Variants in ACYP2 observed in about 807,000 individuals in gnomAD.
ACYP2 encodes the protein acylphosphatase 2, also known as acylphosphatase-2.
A neutral mutation model predicts 11.2 loss-of-function variants in ACYP2; 12 were observed. The observed-to-expected ratio is 1.08, with a 90% CI of 0.69 to 1.74. The LOEUF (loss-of-function observed/expected upper bound fraction) is 1.74, where lower values mean the gene tolerates loss of function less well. Among genes scored for constraint, ACYP2 ranks in the 40% most tolerant of loss-of-function variants. The pLI, the probability that ACYP2 is intolerant of heterozygous loss-of-function variation, is 0.00. For synonymous variants in ACYP2, 43 were observed against 32.2 expected (o/e 1.33, Z -1.13); for missense variants, 134 against 101.9 (o/e 1.31, Z -1.35).
rs201846120 is a variant in ACYP2 at position 54,297,115 on chromosome 2, GT to G, written c.405-7562del. ...CCTTGGGTGGGTGAACACTTTTCCT[GT>G]TTTTTTTTTTCATTCTTTTGCACAC... On this transcript the variant is annotated intron_variant, in intron 6 of 6. Transcript: ENST00000607452. Among the ~76,000 whole-genome samples the G allele has an allele frequency of 3.1e-3, 457 of 145,632 alleles. 17 individuals carry two copies. In the East Asian group the frequency reaches 0.077, roughly 25 times the overall value.
chr2:54,108,615 G>A (rs1352137678), intron 4 of ACYP2, among the ~76,000 whole-genome samples: 1 of 151,910 alleles, frequency 6.6e-6, no homozygotes, highest in African/African-American at 2.4e-5. Flanking sequence ...GTCTGAGCTG[G>A]TGGCTGGCCC....
intron 6 of ACYP2, among the ~76,000 whole-genome samples, chr2:54,199,130 C>T (rs1418057704): frequency 6.6e-6 from 1 of 152,204 alleles, no homozygotes; most frequent in Non-Finnish European, 1.5e-5. Context: ...AATTCTGGTT[C>T]AAAAGGCAAG....
chr2:54,109,565 A>G (rs1420539651), intron 4 of ACYP2, among the ~76,000 whole-genome samples: 2 of 152,174 alleles, frequency 1.3e-5, no homozygotes, highest in African/African-American at 4.8e-5. Context: ...TTGAGATAAA[A>G]CATAAATTTA....
intron 4 of ACYP2, among the ~76,000 whole-genome samples, chr2:54,099,861 ACCT>A (rs1678796989): frequency 6.6e-6 from 1 of 152,036 alleles, no homozygotes; most frequent in South Asian, 2.1e-4. Flanking sequence ...TGCTTGAGAA[ACCT>A]ACATACAGTT....
At chr2:53,992,159 C>G (rs1672332508) in intron 2 of ACYP2, among the ~76,000 whole-genome samples, 1 of 147,276 alleles carries the variant, frequency 6.8e-6, no homozygotes, top group Non-Finnish European at 1.5e-5. Context: ...TTCTTTCCTT[C>G]CTTCCTACTT....
At chr2:54,256,816 G>GTTTGTTTTGT (rs577024551) in intron 6 of ACYP2, among the ~76,000 whole-genome samples, 34 of 151,240 alleles carry the variant, frequency 2.2e-4, no homozygotes, top group Middle Eastern at 3.4e-3. Flanking sequence ...TTTTTTGTTT[G>GTTTGTTTTGT]TTTGTTTTGT....
At chr2:54,264,124 C>T (rs962185142) in intron 6 of ACYP2, among the ~76,000 whole-genome samples, 2 of 152,210 alleles carry the variant, frequency 1.3e-5, no homozygotes, top group South Asian at 2.1e-4. Context: ...GAGTTTGTTC[C>T]TTCAGATGTT....
At chr2:54,156,919 C>T (rs1300223310) in intron 6 of ACYP2, among the ~76,000 whole-genome samples, 3 of 152,118 alleles carry the variant, frequency 2.0e-5, no homozygotes, top group East Asian at 1.9e-4. Context: ...CCACCCGCCT[C>T]GGCCTCCCAA....
At chr2:54,033,989 T>G (rs1674734408) in intron 2 of ACYP2, among the ~76,000 whole-genome samples, 1 of 152,234 alleles carries the variant, frequency 6.6e-6, no homozygotes, top group Non-Finnish European at 1.5e-5. Context: ...GACATTTTGA[T>G]CAATGATAGA....
intron 4 of ACYP2, among the ~76,000 whole-genome samples, chr2:54,067,029 G>T (rs1676786289): frequency 6.6e-6 from 1 of 152,180 alleles, no homozygotes; most frequent in Admixed American, 6.5e-5. Context: ...ACATGTCAGA[G>T]CCTCTGTCTC....
Position 54,083,883 on chromosome 2 carries a change from A to G in ACYP2, c.277+26523A>G, listed in dbSNP as rs182383991. On this transcript the variant is annotated intron_variant, in intron 4 of 6. Coordinates refer to ENST00000607452, the MANE Select transcript of ACYP2 (RefSeq NM_001320586.2). Reference sequence around the variant, plus strand: ...CAGTTTGGAGTAGTCTGATGCTTGTACAGTTTTGAGCGCTCTCTTTAGAAA... The same window carrying G: ...CAGTTTGGAGTAGTCTGATGCTTGTGCAGTTTTGAGCGCTCTCTTTAGAAA... Among the ~76,000 whole-genome samples the G allele has an allele frequency of 2.5e-3, 384 of 152,326 alleles. 3 individuals carry two copies. The Middle Eastern group carries it at 0.027, about 11-fold the overall frequency.
At position 54,266,553 on chromosome 2, in the gene ACYP2, AAGAT is replaced by A. The variant is rs146123390; in HGVS notation, c.405-38117_405-38114del. Among the ~76,000 whole-genome samples, 48 of 134,938 alleles carry A rather than the reference AAGAT, an allele frequency of 3.6e-4. 1 individual carries two copies. The highest frequency in any genetic ancestry group is 3.5e-3 in the Middle Eastern group (1 of 282). The allele number at this position is 134,938 out of a possible 152,430, so 88.5% of individuals were successfully genotyped here. A position where few individuals can be genotyped will look rare whatever the true frequency, so the allele number is the denominator to read the frequency against. The stretch of plus-strand genomic sequence containing the variant: ...ATATAGATATAGATATAGCTAGATA[AAGAT>A]AGATAGATAGATAGATATAGATATC... On this transcript the variant is annotated intron_variant, in intron 6 of 6. Coordinates refer to ENST00000607452, the MANE Select transcript of ACYP2 (RefSeq NM_001320586.2).
chr2:54,085,553 T>G (rs753669078), intron 4 of ACYP2, among the ~76,000 whole-genome samples: 1 of 152,212 alleles, frequency 6.6e-6, no homozygotes, highest in Non-Finnish European at 1.5e-5. Context: ...TTTGGTGATG[T>G]TTTTGTGACC....
chr2:54,264,271 G>A (rs1687917089), intron 6 of ACYP2, among the ~76,000 whole-genome samples: 1 of 152,170 alleles, frequency 6.6e-6, no homozygotes, highest in Admixed American at 6.5e-5. Context: ...GCAGCAAGAT[G>A]TGTTGTGAAG....
At chr2:53,973,692 C>A in intron 1 of ACYP2, 1 of 263,972 alleles carries the variant, frequency 3.8e-6, no homozygotes, top group East Asian at 6.3e-5. Flanking sequence ...TCCCAACACC[C>A]TTTGCTGACT....
intron 4 of ACYP2, among the ~76,000 whole-genome samples, chr2:54,062,918 C>G (rs1364307553): frequency 6.6e-6 from 1 of 152,232 alleles, no homozygotes. Context: ...CTTCTCTGTT[C>G]TAGTTATTAA....
chr2:54,149,686 A>T (rs1205330259), intron 6 of ACYP2, among the ~76,000 whole-genome samples: 1 of 152,242 alleles, frequency 6.6e-6, no homozygotes, highest in Non-Finnish European at 1.5e-5. Flanking sequence ...GCCAAATTCT[A>T]AAATTAAAAT....
intron 4 of ACYP2, among the ~76,000 whole-genome samples, chr2:54,058,484 T>C (rs1676280903): frequency 6.6e-6 from 1 of 152,172 alleles, no homozygotes; most frequent in African/African-American, 2.4e-5. Context: ...CCCTCTCCTG[T>C]CATTCTAATA....
chr2:54,124,305 C>G (rs1479129465), intron 4 of ACYP2, among the ~76,000 whole-genome samples: 1 of 152,086 alleles, frequency 6.6e-6, no homozygotes, highest in African/African-American at 2.4e-5. Flanking sequence ...AGTGATTATC[C>G]TGCCTCAGCC....
Sources: allele counts gnomAD v4.1 joint callset (sites outside exome capture counted in the v4.1 genomes callset), GRCh38; gene constraint gnomAD v4.1.1; transcripts MANE v1.5; gene names NCBI Gene and HGNC (gene_info 2026-07-23, HGNC 2026-07-21).